HCN1: variants seen among roughly 807,000 people sequenced by gnomAD.
The protein encoded by HCN1 is hyperpolarization activated cyclic nucleotide gated potassium channel 1.
In HCN1, 13 loss-of-function variants were observed where a neutral mutation model predicts 78.9. That is an observed-to-expected ratio of 0.16 (90% CI 0.11 to 0.26). The LOEUF (loss-of-function observed/expected upper bound fraction) is 0.26. Among genes scored for constraint, HCN1 ranks in the 10% least tolerant of loss-of-function variants. The pLI is 1.00. For synonymous variants in HCN1, 552 were observed against 455.5 expected, an observed-to-expected ratio of 1.21 and a Z score of -2.70; for missense variants, 810 against 1,154.3, an observed-to-expected ratio of 0.70 and a Z score of 4.32.
intron 3 of HCN1, among the ~76,000 whole-genome samples, chr5:45,445,204 G>A (rs1472562263): frequency 6.6e-6 from 1 of 152,200 alleles, no homozygotes; most frequent in Non-Finnish European, 1.5e-5. Flanking sequence ...TTTCTGACGG[G>A]CTTAGAAAAC....
chr5:45,677,142 A>T (rs1431667742), intron 1 of HCN1, among the ~76,000 whole-genome samples: 1 of 151,826 alleles, frequency 6.6e-6, no homozygotes, highest in Non-Finnish European at 1.5e-5. Flanking sequence ...CTTGGATTAG[A>T]TGAAACCCCT....
intron 4 of HCN1, among the ~76,000 whole-genome samples, chr5:45,384,057 A>T (rs1579859825): frequency 6.6e-6 from 1 of 152,246 alleles, no homozygotes; most frequent in Admixed American, 6.5e-5. Context: ...TTTATAATTA[A>T]TTTTTGCCAC....
chr5:45,610,533 A>G (rs1203996737), intron 2 of HCN1, among the ~76,000 whole-genome samples: 1 of 149,572 alleles, frequency 6.7e-6, no homozygotes, highest in East Asian at 1.9e-4. Flanking sequence ...TAATCTCTAT[A>G]TATTTTAAAT....
intron 2 of HCN1, among the ~76,000 whole-genome samples, chr5:45,521,166 AGC>A (rs1272733863): frequency 2.0e-5 from 3 of 151,872 alleles, no homozygotes; most frequent in Non-Finnish European, 2.9e-5. Flanking sequence ...ATATAGAGAG[AGC>A]ACCCTAAAGG....
At chr5:45,543,737 T>C (rs933353953) in intron 2 of HCN1, among the ~76,000 whole-genome samples, 1 of 152,068 alleles carries the variant, frequency 6.6e-6, no homozygotes, top group African/African-American at 2.4e-5. Flanking sequence ...TAAAAGCCTA[T>C]GTAAAAATCT....
At chr5:45,387,528 TA>T (rs1373767993) in intron 4 of HCN1, among the ~76,000 whole-genome samples, 1 of 152,106 alleles carries the variant, frequency 6.6e-6, no homozygotes, top group Non-Finnish European at 1.5e-5. Flanking sequence ...ATGTTTTACT[TA>T]GGGGCACTTC....
intron 5 of HCN1, among the ~76,000 whole-genome samples, chr5:45,313,195 A>G (rs1745895659): frequency 1.3e-5 from 2 of 152,106 alleles, no homozygotes; most frequent in Admixed American, 6.5e-5. Flanking sequence ...AGGCAGCAAC[A>G]TTTGCTGTTC....
chr5:45,318,420 G>C (rs995263995), intron 5 of HCN1, among the ~76,000 whole-genome samples: 2 of 152,028 alleles, frequency 1.3e-5, no homozygotes, highest in Admixed American at 6.6e-5. Context: ...GTCGTGGGGT[G>C]GGGGAGGGAG....
chr5:45,598,522 C>T (rs1744554036), intron 2 of HCN1, among the ~76,000 whole-genome samples: 1 of 152,126 alleles, frequency 6.6e-6, no homozygotes, highest in Non-Finnish European at 1.5e-5. Flanking sequence ...GACTTCATTA[C>T]TAAAACACCA....
chr5:45,396,794 T>C, intron 3 of HCN1, 84 bp from the exon 4 acceptor site: 1 of 980,144 alleles, frequency 1.0e-6, no homozygotes, highest in South Asian at 1.3e-5. Context: ...ACAGAAGCAT[T>C]ATAAAATACT....
At chr5:45,528,083 A>C (rs1249204071) in intron 2 of HCN1, among the ~76,000 whole-genome samples, 1 of 151,978 alleles carries the variant, frequency 6.6e-6, no homozygotes, top group Non-Finnish European at 1.5e-5. Flanking sequence ...CTTGTAAGTA[A>C]ATTTAGGGTA....
At chr5:45,562,499 C>T (rs950748283) in intron 2 of HCN1, among the ~76,000 whole-genome samples, 1 of 136,096 alleles carries the variant, frequency 7.3e-6, no homozygotes, top group Non-Finnish European at 1.6e-5. Context: ...CAGTGAGACC[C>T]CATGTCTACA....
chr5:45,527,759 C>T (rs912246112), intron 2 of HCN1, among the ~76,000 whole-genome samples: 14 of 151,986 alleles, frequency 9.2e-5, no homozygotes, highest in Middle Eastern at 3.4e-3. Flanking sequence ...GAATAGAATG[C>T]GAGGGGACTG....
intron 6 of HCN1, among the ~76,000 whole-genome samples, chr5:45,276,713 C>T (rs1360734267): frequency 2.6e-5 from 4 of 151,996 alleles, no homozygotes; most frequent in Admixed American, 6.6e-5. Flanking sequence ...AAGATTTGAG[C>T]ATAATTCCAA....
At chr5:45,395,404 A>G (rs953513835) in intron 4 of HCN1, among the ~76,000 whole-genome samples, 11 of 152,176 alleles carry the variant, frequency 7.2e-5, no homozygotes, top group African/African-American at 2.7e-4. Context: ...ATGAACCTCA[A>G]ACCAATTTTT....
intron 4 of HCN1, among the ~76,000 whole-genome samples, chr5:45,360,215 T>C (rs1385205696): frequency 6.6e-6 from 1 of 151,708 alleles, no homozygotes; most frequent in Non-Finnish European, 1.5e-5. Context: ...ATTTTTCTTA[T>C]AGAATAAAAA....
intron 6 of HCN1, among the ~76,000 whole-genome samples, chr5:45,279,483 C>CA (rs1352449970): frequency 6.6e-6 from 1 of 152,004 alleles, no homozygotes; most frequent in Admixed American, 6.6e-5. Flanking sequence ...ATAAAAGTTA[C>CA]AAAAAAGCAG....
intron 2 of HCN1, among the ~76,000 whole-genome samples, chr5:45,620,212 A>G (rs1301589460): frequency 6.6e-6 from 1 of 152,080 alleles, no homozygotes; most frequent in Non-Finnish European, 1.5e-5. Context: ...CTAAAGAAGC[A>G]TGACAACTAA....
chr5:45,273,863 G>T (rs1214409873), intron 6 of HCN1, among the ~76,000 whole-genome samples: 1 of 152,014 alleles, frequency 6.6e-6, no homozygotes, highest in African/African-American at 2.4e-5. Context: ...CACTGCCTCT[G>T]TATGGCACAG....
Sources: gnomAD v4.1 joint callset for allele counts (sites outside exome capture counted in the v4.1 genomes callset) on GRCh38, gnomAD v4.1.1 for gene constraint, MANE v1.5 for transcripts, NCBI Gene and HGNC (gene_info 2026-07-23, HGNC 2026-07-21) for gene names.